The following INSR variants were observed in gnomAD, a reference collection of about 807,000 sequenced individuals.
INSR encodes the protein insulin receptor.
INSR carries 67 observed loss-of-function variants against 142.6 expected under a neutral mutation model. The observed-to-expected ratio is 0.47, with a 90% confidence interval of 0.39 to 0.58. The LOEUF (loss-of-function observed/expected upper bound fraction) is 0.58. Ranked by LOEUF, INSR falls within the 20% of genes least tolerant of loss-of-function variation. The pLI, the probability that INSR is intolerant of heterozygous loss-of-function variation, is 0.00. For synonymous variants in INSR, 756 were observed against 743.1 expected, an observed-to-expected ratio of 1.02 and a Z score of -0.28; for missense variants, 1,248 against 1,833.2, an observed-to-expected ratio of 0.68 and a Z score of 5.83.
chr19:7,166,183 T>C lies in INSR; in HGVS notation c.1832A>G (p.Asp611Gly). 6.2e-7 allele frequency: 1 copy of C among 1,614,122 alleles called. No homozygotes were observed. Among genetic ancestry groups the C allele is most frequent in the Non-Finnish European group, 8.5e-7 (1 of 1,180,020 alleles). Reference sequence around the variant, plus strand: ...GGCATCTGTCTGGACATAAATGATGTCACTCTTGGCCCCATAGGTCCGGCG... The same window carrying C: ...GGCATCTGTCTGGACATAAATGATGCCACTCTTGGCCCCATAGGTCCGGCG... ...DERRTYGAKS[D>G]IIYVQTDATN... is the part of the protein sequence containing the mutation. Residue 611 changes from aspartate to glycine, a missense_variant, in exon 8 of 22, where the codon GAC (aspartate) becomes GGC (glycine). Asp to Gly is a moderately conservative substitution (Grantham distance 94, BLOSUM62 -1). Coordinates refer to ENST00000302850, the MANE Select transcript of INSR (RefSeq NM_000208.4). This position sits in a 1 kb window ranked among gnomAD's most constrained non-coding sequence, Gnocchi z 4.1.
At chr19:7,118,212 A>T (rs987476640) in intron 21 of INSR, among the ~76,000 whole-genome samples, 8 of 151,970 alleles carry the variant, frequency 5.3e-5, no homozygotes, top group Non-Finnish European at 1.0e-4. Flanking sequence ...GCGCTCTACC[A>T]GCCTGGGTGA....
intron 2 of INSR, among the ~76,000 whole-genome samples, chr19:7,253,729 T>C: frequency 6.6e-6 from 1 of 152,076 alleles, no homozygotes; most frequent in South Asian, 2.1e-4. Flanking sequence ...ATCATTTATG[T>C]TTAAAAATGA....
At chr19:7,241,253 A>G (rs1976331692) in intron 2 of INSR, among the ~76,000 whole-genome samples, 1 of 148,844 alleles carries the variant, frequency 6.7e-6, no homozygotes, top group Admixed American at 6.8e-5. Context: ...ATCGTAGCTC[A>G]CTGCAGCCTC....
In INSR at chr19:7,125,923, C is replaced by G. The variant is rs1972635261; in HGVS notation, c.3014-396G>C. ...GTTGGGGAAAAAAAAAGCCAGGATA[C>G]TTGGAGCTCTTCCCATGAAAAGGTG... On this transcript the variant is annotated intron_variant, in intron 16 of 21. Coordinates refer to ENST00000302850, the MANE Select transcript of INSR (RefSeq NM_000208.4). The surrounding 1 kb of genome is among the most constrained non-coding windows in gnomAD (Gnocchi z 4.9). Among the ~76,000 whole-genome samples, 1 of 152,138 alleles carries G rather than the reference C, an allele frequency of 6.6e-6. No individual in the cohort carries two copies. The highest frequency in any genetic ancestry group is 1.5e-5 in the Non-Finnish European group (1 of 68,024).
chr19:7,209,860 C>T (rs996636541), intron 2 of INSR, among the ~76,000 whole-genome samples: 2 of 152,060 alleles, frequency 1.3e-5, no homozygotes, highest in Admixed American at 6.6e-5. Context: ...AGAGCAATGT[C>T]GTGGGTGTCT....
intron 11 of INSR, among the ~76,000 whole-genome samples, chr19:7,144,188 TG>T (rs1188316883): frequency 6.6e-6 from 1 of 152,206 alleles, no homozygotes; most frequent in Non-Finnish European, 1.5e-5. Flanking sequence ...AAGTAAACTT[TG>T]TCTACTTATT....
chr19:7,191,644 G>T (rs754635644), intron 2 of INSR, among the ~76,000 whole-genome samples: 17 of 152,164 alleles, frequency 1.1e-4, no homozygotes, highest in South Asian at 4.2e-4. Context: ...AAAATAGCCA[G>T]ACCCCTGTCT....
chr19:7,260,018 A>G (rs1977011104), intron 2 of INSR, among the ~76,000 whole-genome samples: 1 of 152,156 alleles, frequency 6.6e-6, no homozygotes, highest in Non-Finnish European at 1.5e-5. Context: ...GTAAAAAAAT[A>G]AAATATCAAG....
At chr19:7,262,213 G>A (rs536297667) in intron 2 of INSR, among the ~76,000 whole-genome samples, 85 of 152,298 alleles carry the variant, frequency 5.6e-4, no homozygotes, top group African/African-American at 2.0e-3. Flanking sequence ...GCTCACGCCT[G>A]TAATCCCAGC....
At chr19:7,185,089 C>G (rs1209539482) in intron 2 of INSR, among the ~76,000 whole-genome samples, 1 of 152,054 alleles carries the variant, frequency 6.6e-6, no homozygotes, top group East Asian at 1.9e-4. Context: ...AGTAAATAAC[C>G]TCAACAGCAC....
At chr19:7,153,664 G>A (rs997684491) in intron 9 of INSR, among the ~76,000 whole-genome samples, 2 of 152,128 alleles carry the variant, frequency 1.3e-5, no homozygotes, top group Non-Finnish European at 2.9e-5. Flanking sequence ...GCTGCAGTGA[G>A]CTATGATTGC....
chr19:7,257,033 C>T, intron 2 of INSR, among the ~76,000 whole-genome samples: 1 of 150,762 alleles, frequency 6.6e-6, no homozygotes, highest in African/African-American at 2.4e-5. Context: ...ACCTCCGCCT[C>T]CTGGGTTCAA....
chr19:7,116,700 C>CAAAAAGAAAAAAAAA lies in INSR; in HGVS notation c.*355_*356insTTTTTTTTTCTTTTT, dbSNP rs1972335344. On this transcript the variant is annotated 3_prime_UTR_variant, in exon 22 of 22. Transcript: ENST00000302850. ...TTTTATACTGAAGCTCAGACACCAG[C>CAAAAAGAAAAAAAAA]AAAAAAAAAAAAAAAAAAAAAGAAT... 1 of 50,516 alleles carries CAAAAAGAAAAAAAAA rather than the reference C, an allele frequency of 2.0e-5. No homozygotes were observed. Among genetic ancestry groups the CAAAAAGAAAAAAAAA allele is most frequent in the African/African-American group, 7.0e-5 (1 of 14,238 alleles). The allele number at this position is 50,516 out of a possible 1,614,324, so 3.1% of individuals were successfully genotyped here. A position where few individuals can be genotyped will look rare whatever the true frequency, so the allele number is the denominator to read the frequency against.
chr19:7,164,093 A>T (rs997315314), intron 8 of INSR, among the ~76,000 whole-genome samples: 5 of 39,024 alleles, frequency 1.3e-4, no homozygotes, highest in Non-Finnish European at 2.2e-4. Flanking sequence ...AAACTCCGTT[A>T]AAAAAAAAAA....
chr19:7,243,738 A>G (rs148796392), intron 2 of INSR, among the ~76,000 whole-genome samples: 1 of 152,340 alleles, frequency 6.6e-6, no homozygotes, highest in African/African-American at 2.4e-5. Context: ...ATGAACACAG[A>G]TGGCAAGAAT....
intron 2 of INSR, among the ~76,000 whole-genome samples, chr19:7,218,819 C>A (rs960279477): frequency 6.6e-6 from 1 of 152,172 alleles, no homozygotes; most frequent in African/African-American, 2.4e-5. Context: ...GCTGAGATTA[C>A]AGGTGTGAGA....
At chr19:7,123,232 G>A (rs1972539361) in intron 17 of INSR, 1 of 486,756 alleles carries the variant, frequency 2.1e-6, no homozygotes, top group Non-Finnish European at 3.8e-6. Flanking sequence ...GCAGTGGCGT[G>A]ATCTCGGCTC....
At position 7,224,463 on chromosome 19, in the gene INSR, C is replaced by CA. The variant is rs1975717344; in HGVS notation, c.653-39827dup. On this transcript the variant is annotated intron_variant, in intron 2 of 21. Coordinates refer to ENST00000302850, the MANE Select transcript of INSR (RefSeq NM_000208.4). Reference sequence around the variant, plus strand: ...TCTGAAAACCCATTCATGGGCAACTCAAAGGTGTCGAGACATCAGGGTGTG... The same window carrying CA: ...TCTGAAAACCCATTCATGGGCAACTCAAAAGGTGTCGAGACATCAGGGTGTG... Among the ~76,000 whole-genome samples, 5 of 152,252 alleles carry CA rather than the reference C, an allele frequency of 3.3e-5. No homozygotes were observed. In the South Asian group the frequency reaches 1.0e-3, roughly 32 times the overall value.
Position 7,125,533 on chromosome 19 carries a change from T to A in INSR, c.3014-6A>T. 1.2e-6 allele frequency: 2 copies of A among 1,612,586 alleles called. No individual in the cohort carries two copies. The highest frequency in any genetic ancestry group is 1.7e-6 in the Non-Finnish European group (2 of 1,179,914). On this transcript the variant is annotated splice_polypyrimidine_tract_variant and splice_region_variant and intron_variant, in intron 16 of 21. Transcript: ENST00000302850. This position sits in a 1 kb window ranked among gnomAD's most constrained non-coding sequence, Gnocchi z 4.9. ...GTACACAGAGCATGGAAACACTACT[T>A]CTTACTTATCTACACAGCATCCTTG...
Sources: gnomAD v4.1 joint callset for allele counts (sites outside exome capture counted in the v4.1 genomes callset) on GRCh38, gnomAD v4.1.1 for gene constraint, Gnocchi (gnomAD v3.1) non-coding constraint, MANE v1.5 for transcripts, NCBI Gene and HGNC (gene_info 2026-07-23, HGNC 2026-07-21) for gene names.